IFT81: variants seen among roughly 807,000 people sequenced by gnomAD.
The protein encoded by IFT81 is intraflagellar transport 81.
IFT81 carries 72 observed loss-of-function variants against 102.6 expected under a neutral mutation model. That is an observed-to-expected ratio of 0.70 (90% confidence interval 0.58 to 0.85). IFT81 has a LOEUF of 0.85. IFT81 is among the 40% of genes least tolerant of loss of function. The pLI is 0.00. For missense variants in IFT81, 723 were observed against 787.3 expected, an observed-to-expected ratio of 0.92 and a Z score of 0.98; for synonymous variants, 237 against 242.7, an observed-to-expected ratio of 0.98 and a Z score of 0.22.
intron 8 of IFT81, among the ~76,000 whole-genome samples, chr12:110,142,682 G>A (rs922318998): frequency 3.3e-5 from 5 of 151,650 alleles, no homozygotes; most frequent in Admixed American, 6.6e-5. Context: ...TCAAGCCCAG[G>A]AGTTAGAGAC....
rs751481208 is a variant in IFT81 at position 110,179,724 on chromosome 12, TTA to T, written c.1189-649_1189-648del. Among the ~76,000 whole-genome samples, 462 of 48,214 alleles carry T rather than the reference TTA, an allele frequency of 9.6e-3. 2 individuals carry two copies. The highest frequency in any genetic ancestry group is 0.014 in the Non-Finnish European group (320 of 23,290). 31.6% of individuals were successfully genotyped at this position (48,214 alleles called of 152,430 possible). A position where few individuals can be genotyped will look rare whatever the true frequency, so the allele number is the denominator to read the frequency against. ...CAACAGAGCAAACCCTATCTCGAAA[TTA>T]TATATATATATATATATATATATAT... On this transcript the variant is annotated intron_variant, in intron 11 of 18. Transcript: ENST00000242591.
At chr12:110,146,804 T>A in intron 9 of IFT81, 149 bp from the exon 10 acceptor site, 1 of 913,588 alleles carries the variant, frequency 1.1e-6, no homozygotes, top group Non-Finnish European at 1.5e-6. Context: ...CCCCATCTCT[T>A]AAAAAAAAAA....
intron 8 of IFT81, among the ~76,000 whole-genome samples, chr12:110,140,360 TC>T (rs1345456764): frequency 1.3e-5 from 2 of 152,154 alleles, no homozygotes; most frequent in Non-Finnish European, 2.9e-5. Context: ...CACAAACCTA[TC>T]CATCACCCCA....
At position 110,124,406 on chromosome 12, in the gene IFT81, T is replaced by TG. The variant is rs1893694013; in HGVS notation, c.-471dup. The stretch of plus-strand genomic sequence containing the variant: ...AGCGGTCTAGAGCCCGGGCGCCTCC[T>TG]GGGGGGTGGGGAAACGGTTTCGTGA... On this transcript the variant is annotated 5_prime_UTR_variant, in exon 1 of 19. Transcript: ENST00000242591. The TG allele has an allele frequency of 6.6e-6, 1 of 152,070 alleles. No homozygotes were observed. Among genetic ancestry groups the TG allele is most frequent in the Non-Finnish European group, 1.5e-5 (1 of 68,096 alleles). The allele number at this position is 152,070 out of a possible 1,614,324, so 9.4% of individuals were successfully genotyped here.
intron 12 of IFT81, among the ~76,000 whole-genome samples, chr12:110,184,734 C>T (rs1396679512): frequency 1.3e-5 from 2 of 152,172 alleles, no homozygotes; most frequent in Non-Finnish European, 2.9e-5. Flanking sequence ...AAGTTTTGGT[C>T]AGGCTGATGG....
chr12:110,194,668 G>A (rs2137556271), intron 14 of IFT81, among the ~76,000 whole-genome samples: 1 of 152,138 alleles, frequency 6.6e-6, no homozygotes, highest in Middle Eastern at 3.4e-3. Context: ...GTAAAATCAT[G>A]TTCTTAGCAA....
In IFT81 at chr12:110,218,118, T is replaced by C. The variant is rs1262141989; in HGVS notation, c.1923T>C (p.Asp641=). 1 of 1,601,856 alleles carries C rather than the reference T, an allele frequency of 6.2e-7. No homozygotes were observed. Among genetic ancestry groups the C allele is most frequent in the African/African-American group, 1.4e-5 (1 of 73,982 alleles). Residue 641 remains aspartate, a synonymous_variant, in exon 19 of 19, where the codon GAT becomes GAC. Coordinates refer to ENST00000242591, the MANE Select transcript of IFT81 (RefSeq NM_014055.4). ...TGAAACAAGCAAAAATGTGGCGTGA[T>C]TTGGAACAATTAATGGAATGTAAGA... ...PNMKQAKMWR[D]LEQLMECKKQ... is the part of the protein sequence containing the mutation.
chr12:110,199,382 G>C (rs1381268457), intron 14 of IFT81, among the ~76,000 whole-genome samples: 1 of 152,056 alleles, frequency 6.6e-6, no homozygotes, highest in African/African-American at 2.4e-5. Flanking sequence ...CAGTTTTTCT[G>C]TTTTAGAAAT....
rs1868494001 is a variant in IFT81, at chr12:110,205,476, G to A, written c.1678G>A (p.Glu560Lys). The change falls in exon 16 of 19, where the codon GAA becomes AAA. Residue 560 changes from glutamate to lysine, a missense_variant. Physicochemically the swap from Glu to Lys is moderately conservative, Grantham distance 56 (BLOSUM62 1). Transcript: ENST00000242591. Reference protein sequence around the residue: ...VRRLREECLQEESRYHYTNCM... With the variant: ...VRRLREECLQKESRYHYTNCM... The stretch of plus-strand genomic sequence containing the variant: ...AAGACTCCGTGAAGAATGTCTTCAA[G>A]AAGAAAGTAGATACCATTATACAAA... The A allele has an allele frequency of 6.2e-7, 1 of 1,602,952 alleles. No homozygotes were observed.
At chr12:110,134,897 C>A in intron 5 of IFT81, 51 bp from the exon 6 acceptor site, 1 of 1,353,654 alleles carries the variant, frequency 7.4e-7, no homozygotes, top group Non-Finnish European at 1.0e-6. Context: ...TATCTGTTTC[C>A]TACAGACTGA....
rs146746774 is a variant in IFT81, at chr12:110,159,871, G to T, written c.1042-3048G>T. 2.8e-3 allele frequency among the ~76,000 whole-genome samples: 432 copies of T among 152,266 alleles called. 2 individuals carry two copies. The highest frequency in any genetic ancestry group is 7.2e-3 in the Admixed American group (110 of 15,290). On this transcript the variant is annotated intron_variant, in intron 10 of 18. Transcript: ENST00000242591. Reference sequence around the variant, plus strand: ...GGATGGGACCTGCTATTGTGCTAAGGGTTGAAATTGATTGAAATTAGCCTC... The same window carrying T: ...GGATGGGACCTGCTATTGTGCTAAGTGTTGAAATTGATTGAAATTAGCCTC...
intron 5 of IFT81, among the ~76,000 whole-genome samples, chr12:110,134,738 G>C (rs1394948998): frequency 6.6e-6 from 1 of 152,114 alleles, no homozygotes; most frequent in Non-Finnish European, 1.5e-5. Context: ...TTGCATTTCT[G>C]GATGAACACC....
intron 10 of IFT81, among the ~76,000 whole-genome samples, chr12:110,160,240 T>C (rs1394424029): frequency 6.6e-6 from 1 of 152,102 alleles, no homozygotes; most frequent in Non-Finnish European, 1.5e-5. Flanking sequence ...CAAGGCAAAG[T>C]CTCATGATAG....
intron 14 of IFT81, among the ~76,000 whole-genome samples, chr12:110,196,024 C>G (rs1172443665): frequency 6.6e-6 from 1 of 152,180 alleles, no homozygotes; most frequent in Non-Finnish European, 1.5e-5. Flanking sequence ...TTCATCAGAT[C>G]AGGCTTATAA....
At chr12:110,200,624 T>A (rs1204379032) in intron 14 of IFT81, among the ~76,000 whole-genome samples, 3 of 152,206 alleles carry the variant, frequency 2.0e-5, no homozygotes, top group African/African-American at 4.8e-5. Context: ...TGTAAAATAT[T>A]TTTTTAAAAA....
At chr12:110,176,420 T>G (rs983864249) in intron 11 of IFT81, among the ~76,000 whole-genome samples, 1 of 152,218 alleles carries the variant, frequency 6.6e-6, no homozygotes, top group African/African-American at 2.4e-5. Context: ...TTTTTACTCT[T>G]ATTCTCATCT....
At chr12:110,182,751 T>C (rs776085782) in intron 12 of IFT81, among the ~76,000 whole-genome samples, 7 of 152,202 alleles carry the variant, frequency 4.6e-5, no homozygotes, top group African/African-American at 7.2e-5. Context: ...TTAATGTGCC[T>C]TCTGATGGAA....
At chr12:110,190,682 A>T (rs967254560) in intron 12 of IFT81, among the ~76,000 whole-genome samples, 1 of 152,206 alleles carries the variant, frequency 6.6e-6, no homozygotes, top group African/African-American at 2.4e-5. Flanking sequence ...ACATAACATT[A>T]TTATAAAGTC....
At chr12:110,179,731 T>C (rs1332638089) in intron 11 of IFT81, among the ~76,000 whole-genome samples, 17 of 16,128 alleles carry the variant, frequency 1.1e-3, no homozygotes, top group African/African-American at 1.9e-3. Flanking sequence ...AAATTATATA[T>C]ATATATATAT....
Sources: gnomAD v4.1 joint callset for allele counts (sites outside exome capture counted in the v4.1 genomes callset) on GRCh38, gnomAD v4.1.1 for gene constraint, MANE v1.5 for transcripts, NCBI Gene and HGNC (gene_info 2026-07-23, HGNC 2026-07-21) for gene names.